DPP6: variants seen among roughly 807,000 people sequenced by gnomAD.
DPP6 encodes the protein A-type potassium channel modulatory protein DPP6.
In DPP6, 69 loss-of-function variants were observed where a neutral mutation model predicts 122.6. The observed-to-expected ratio is 0.56, with a 90% CI of 0.46 to 0.69. The LOEUF is 0.69. DPP6 is among the 30% of genes least tolerant of loss of function. The pLI, the probability that DPP6 is intolerant of heterozygous loss-of-function variation, is 0.00. For synonymous variants in DPP6, 418 were observed against 433.1 expected (o/e 0.97, Z 0.43); for missense variants, 928 against 1,116.9 (o/e 0.83, Z 2.41).
At chr7:154,287,177 G>T (rs975220527) in intron 1 of DPP6, among the ~76,000 whole-genome samples, 30 of 152,210 alleles carry the variant, frequency 2.0e-4, no homozygotes, top group Admixed American at 1.7e-3. Context: ...GCTCCCAACA[G>T]GAAGACATCT....
intron 1 of DPP6, among the ~76,000 whole-genome samples, chr7:154,238,343 A>G (rs1427492159): frequency 6.6e-6 from 1 of 152,228 alleles, no homozygotes; most frequent in East Asian, 1.9e-4. Flanking sequence ...ATATTGACAC[A>G]TATTAAAGAG....
intron 1 of DPP6, among the ~76,000 whole-genome samples, chr7:153,960,333 G>T (rs1036037195): frequency 5.9e-5 from 9 of 151,956 alleles, no homozygotes; most frequent in African/African-American, 2.2e-4. Flanking sequence ...TGACTTCCTT[G>T]TGTACGCATA....
the DPP6 span, among the ~76,000 whole-genome samples, chr7:153,829,837 G>A: frequency 9.2e-5 from 14 of 152,262 alleles, no homozygotes; most frequent in African/African-American, 3.4e-4. Context: ...ATTGTTTCGG[G>A]TACTCTTTAC....
At chr7:154,768,837 G>A (rs1796064466) in intron 8 of DPP6, among the ~76,000 whole-genome samples, 1 of 152,142 alleles carries the variant, frequency 6.6e-6, no homozygotes, top group Non-Finnish European at 1.5e-5. Context: ...CTTCTTGTAA[G>A]AAGCCACACA....
At chr7:154,654,899 G>A (rs1837140905) in intron 6 of DPP6, among the ~76,000 whole-genome samples, 2 of 152,146 alleles carry the variant, frequency 1.3e-5, no homozygotes, top group Admixed American at 1.3e-4. Context: ...GAATATATAT[G>A]AATATTTAAA....
At chr7:154,327,123 G>A (rs1808512823) in intron 1 of DPP6, among the ~76,000 whole-genome samples, 1 of 152,046 alleles carries the variant, frequency 6.6e-6, no homozygotes, top group African/African-American at 2.4e-5. Flanking sequence ...TCTGAATGGT[G>A]ATGGATACCT....
chr7:154,471,498 G>T (rs185059659), intron 2 of DPP6, among the ~76,000 whole-genome samples: 1 of 152,066 alleles, frequency 6.6e-6, no homozygotes, highest in East Asian at 1.9e-4. Flanking sequence ...TGAAAACTGG[G>T]TTCATGGTCA....
At chr7:154,207,525 C>T (rs1258164508) in intron 1 of DPP6, among the ~76,000 whole-genome samples, 1 of 152,234 alleles carries the variant, frequency 6.6e-6, no homozygotes, top group Non-Finnish European at 1.5e-5. Flanking sequence ...ACGGACACCT[C>T]TGAAGACCAG....
intron 7 of DPP6, among the ~76,000 whole-genome samples, chr7:154,681,514 G>T (rs190335504): frequency 5.9e-5 from 9 of 152,198 alleles, no homozygotes; most frequent in Non-Finnish European, 1.3e-4. Context: ...CCACACTTGC[G>T]GCCATGGCAG....
the DPP6 span, among the ~76,000 whole-genome samples, chr7:153,856,802 G>A: frequency 6.6e-6 from 1 of 152,148 alleles, no homozygotes; most frequent in African/African-American, 2.4e-5. Flanking sequence ...GGATCGCCAA[G>A]GGCTTCTGTA....
intron 7 of DPP6, among the ~76,000 whole-genome samples, chr7:154,685,973 T>C (rs1839573824): frequency 2.0e-5 from 3 of 152,156 alleles, no homozygotes; most frequent in African/African-American, 4.8e-5. Context: ...AAGCCTGCCA[T>C]GATGGAAGCA....
chr7:154,884,071 T>TACACATGCTCACACACACATGCTCACAC (rs1554495909), intron 21 of DPP6: 16 of 113,342 alleles, frequency 1.4e-4, no homozygotes, highest in African/African-American at 4.6e-4. Flanking sequence ...TGCTCACCCA[T>TACACATGCTCACACACACATGCTCACAC]ACACATGCTC....
In DPP6 at chr7:154,481,334, G is replaced by C. The variant is rs542682132; in HGVS notation, c.457+6297G>C. Among the ~76,000 whole-genome samples the C allele has an allele frequency of 1.1e-5, 1 of 92,158 alleles. No homozygotes were observed. Among genetic ancestry groups the C allele is most frequent in the African/African-American group, 4.2e-5 (1 of 23,944 alleles). The allele number at this position is 92,158 out of a possible 152,430, so 60.5% of individuals were successfully genotyped here. On this transcript the variant is annotated intron_variant, in intron 3 of 25. Coordinates refer to ENST00000377770, the MANE Select transcript of DPP6 (RefSeq NM_130797.4). The surrounding 1 kb of genome is among the most constrained non-coding windows in gnomAD (Gnocchi z 4.2). ...CTCTTCCGAGCTATACACTTGGAGA[G>C]AGAGAGAGAGGGGTGTGTGTGTGTG...
chr7:154,732,027 T>C (rs1009096610), intron 8 of DPP6, among the ~76,000 whole-genome samples: 3 of 152,006 alleles, frequency 2.0e-5, no homozygotes, highest in African/African-American at 7.3e-5. Context: ...TAAATTACTC[T>C]TTGTTTTTCT....
chr7:154,301,509 G>T (rs911230711), intron 1 of DPP6, among the ~76,000 whole-genome samples: 4 of 152,094 alleles, frequency 2.6e-5, no homozygotes, highest in African/African-American at 9.7e-5. Flanking sequence ...ACAACTTTAG[G>T]GGGGGTAACA....
chr7:153,841,315 G>A, the DPP6 span, among the ~76,000 whole-genome samples: 6 of 152,266 alleles, frequency 3.9e-5, no homozygotes, highest in African/African-American at 1.4e-4. Context: ...GTAACCTCCA[G>A]GAAATTTCAC....
intron 1 of DPP6, among the ~76,000 whole-genome samples, chr7:153,971,068 G>C (rs1052358336): frequency 1.8e-4 from 27 of 152,176 alleles, no homozygotes; most frequent in African/African-American, 6.0e-4. Context: ...CATCAATTTT[G>C]GGAGAATTGG....
chr7:154,122,500 T>G (rs2150609184), intron 1 of DPP6, among the ~76,000 whole-genome samples: 1 of 152,340 alleles, frequency 6.6e-6, no homozygotes, highest in South Asian at 2.1e-4. Context: ...GGGGTTAAAT[T>G]CCCTATCACT....
intron 8 of DPP6, among the ~76,000 whole-genome samples, chr7:154,738,452 G>A (rs1842669207): frequency 6.6e-6 from 1 of 152,170 alleles, no homozygotes; most frequent in Non-Finnish European, 1.5e-5. Context: ...TGTACCCTGG[G>A]AGTTCTCCAG....
Sources: allele counts gnomAD v4.1 joint callset (sites outside exome capture counted in the v4.1 genomes callset), GRCh38; gene constraint gnomAD v4.1.1; non-coding constraint Gnocchi (gnomAD v3.1); transcripts MANE v1.5; gene names NCBI Gene and HGNC (gene_info 2026-07-23, HGNC 2026-07-21).